The following ANAPC10 variants were observed in gnomAD, a reference collection of about 807,000 sequenced individuals.
The protein encoded by ANAPC10 is anaphase-promoting complex subunit 10.
A neutral mutation model predicts 22.0 loss-of-function variants in ANAPC10; 12 were observed. The ratio of observed to expected loss-of-function variants is 0.55; its 90% CI spans 0.35 to 0.88. The LOEUF (loss-of-function observed/expected upper bound fraction) is 0.88. Ranked by LOEUF, ANAPC10 falls within the 40% of genes least tolerant of loss-of-function variation. ANAPC10 has a pLI of 0.01. For missense variants in ANAPC10, 188 were observed against 220.9 expected, an observed-to-expected ratio of 0.85 and a Z score of 0.94; for synonymous variants, 65 against 69.5, an observed-to-expected ratio of 0.94 and a Z score of 0.32.
chr4:145,042,508 C>T (rs930505195), intron 4 of ANAPC10, among the ~76,000 whole-genome samples: 2 of 152,116 alleles, frequency 1.3e-5, no homozygotes, highest in Non-Finnish European at 2.9e-5. Flanking sequence ...CAAAATTTCT[C>T]ACCTTCAATA....
chr4:145,058,826 T>C (rs1742453167), intron 4 of ANAPC10, among the ~76,000 whole-genome samples: 1 of 152,150 alleles, frequency 6.6e-6, no homozygotes, highest in Admixed American at 6.5e-5. Flanking sequence ...AAATAAGTGA[T>C]GCATACAATA....
At chr4:145,061,563 A>G (rs1217046418) in intron 4 of ANAPC10, among the ~76,000 whole-genome samples, 2 of 152,178 alleles carry the variant, frequency 1.3e-5, no homozygotes, top group Non-Finnish European at 2.9e-5. Flanking sequence ...TATACCACGT[A>G]TATCAAATCA....
intron 4 of ANAPC10, among the ~76,000 whole-genome samples, chr4:145,059,484 C>G (rs1742558606): frequency 6.6e-6 from 1 of 152,120 alleles, no homozygotes; most frequent in Non-Finnish European, 1.5e-5. Context: ...TTAAAATTCA[C>G]TTAAGCACTC....
At chr4:145,072,906 T>G (rs1360689964) in intron 3 of ANAPC10, among the ~76,000 whole-genome samples, 3 of 152,000 alleles carry the variant, frequency 2.0e-5, no homozygotes, top group Non-Finnish European at 4.4e-5. Flanking sequence ...CTGTTTTTTT[T>G]TTTTTTTAGG....
At chr4:145,070,467 G>A (rs1744332777) in intron 3 of ANAPC10, among the ~76,000 whole-genome samples, 1 of 152,172 alleles carries the variant, frequency 6.6e-6, no homozygotes, top group Non-Finnish European at 1.5e-5. Context: ...AAACTATAAT[G>A]AGACAGACTC....
At chr4:145,072,520 A>G (rs1294520575) in intron 3 of ANAPC10, among the ~76,000 whole-genome samples, 2 of 152,230 alleles carry the variant, frequency 1.3e-5, no homozygotes, top group Non-Finnish European at 2.9e-5. Flanking sequence ...TGAATACAGG[A>G]ATTTCTTCCA....
chr4:145,078,803 C>G (rs1745550518), intron 3 of ANAPC10, among the ~76,000 whole-genome samples: 1 of 152,132 alleles, frequency 6.6e-6, no homozygotes, highest in African/African-American at 2.4e-5. Flanking sequence ...ATAAATTGTA[C>G]AGGGATAACT....
chr4:145,092,496 A>T (rs1055695483), intron 2 of ANAPC10, among the ~76,000 whole-genome samples: 4 of 152,202 alleles, frequency 2.6e-5, no homozygotes, highest in Admixed American at 1.3e-4. Context: ...AAGGAACAAG[A>T]CCAAATAAAT....
intron 2 of ANAPC10, among the ~76,000 whole-genome samples, chr4:145,093,767 A>T (rs1469290481): frequency 6.6e-6 from 1 of 152,158 alleles, no homozygotes; most frequent in East Asian, 1.9e-4. Flanking sequence ...AGACAGGCCA[A>T]TGAAAAATAC....
intron 4 of ANAPC10, among the ~76,000 whole-genome samples, chr4:145,039,483 T>G (rs1437158333): frequency 6.6e-6 from 1 of 152,222 alleles, no homozygotes; most frequent in African/African-American, 2.4e-5. Context: ...TTCTATGAGA[T>G]AATAATAAAT....
chr4:145,015,799 A>T (rs1162537449), intron 4 of ANAPC10, among the ~76,000 whole-genome samples: 1 of 152,180 alleles, frequency 6.6e-6, no homozygotes, highest in Non-Finnish European at 1.5e-5. Flanking sequence ...TTCCTCAAAC[A>T]AAATTATCAG....
intron 3 of ANAPC10, among the ~76,000 whole-genome samples, chr4:145,074,395 G>A (rs1165150085): frequency 1.3e-5 from 2 of 151,880 alleles, no homozygotes; most frequent in East Asian, 1.9e-4. Context: ...TTTTTATGAA[G>A]ATCATTTCTT....
intron 4 of ANAPC10, among the ~76,000 whole-genome samples, chr4:145,045,621 T>A (rs1740181344): frequency 1.3e-5 from 2 of 152,142 alleles, no homozygotes; most frequent in Non-Finnish European, 2.9e-5. Flanking sequence ...CCACTTTTTT[T>A]CATATCACTT....
At chr4:145,043,536 CAAACACATGCACTGAGCTGT>C (rs1739832830) in intron 4 of ANAPC10, among the ~76,000 whole-genome samples, 1 of 152,210 alleles carries the variant, frequency 6.6e-6, no homozygotes, top group Non-Finnish European at 1.5e-5. Context: ...GAACAGCTTT[CAAACACATGCACTGAGCTGT>C]AAAACCGCAA....
At chr4:145,019,662 T>G (rs1055435488) in intron 4 of ANAPC10, among the ~76,000 whole-genome samples, 1 of 152,120 alleles carries the variant, frequency 6.6e-6, no homozygotes, top group Admixed American at 6.6e-5. Flanking sequence ...GCTGCTTGTT[T>G]GAAAAGATAA....
chr4:145,073,075 A>G (rs1579110514), intron 3 of ANAPC10, among the ~76,000 whole-genome samples: 1 of 152,104 alleles, frequency 6.6e-6, no homozygotes, highest in Non-Finnish European at 1.5e-5. Flanking sequence ...TAAGTTTTTT[A>G]TAGAGACAGA....
chr4:145,057,642 T>A (rs888595086), intron 4 of ANAPC10, among the ~76,000 whole-genome samples: 7 of 152,248 alleles, frequency 4.6e-5, no homozygotes, highest in Non-Finnish European at 8.8e-5. Flanking sequence ...ATCCATGGAC[T>A]ACCTACTGAA....
At chr4:145,015,719 T>G (rs894460234) in intron 4 of ANAPC10, among the ~76,000 whole-genome samples, 6 of 152,262 alleles carry the variant, frequency 3.9e-5, no homozygotes, top group African/African-American at 1.4e-4. Context: ...AAGGTAAACC[T>G]ATTAGATTAA....
At chr4:145,025,792 T>G (rs1229441594) in intron 4 of ANAPC10, among the ~76,000 whole-genome samples, 1 of 152,176 alleles carries the variant, frequency 6.6e-6, no homozygotes, top group Non-Finnish European at 1.5e-5. Flanking sequence ...AATCTTCGAT[T>G]TGTAAAAACA....
Sources: gnomAD v4.1 joint callset for allele counts (sites outside exome capture counted in the v4.1 genomes callset) on GRCh38, gnomAD v4.1.1 for gene constraint, MANE v1.5 for transcripts, NCBI Gene and HGNC (gene_info 2026-07-23, HGNC 2026-07-21) for gene names.